DYNC1I1: variants seen among roughly 807,000 people sequenced by gnomAD.
DYNC1I1 encodes the protein cytoplasmic dynein 1 intermediate chain 1.
A neutral mutation model predicts 86.6 loss-of-function variants in DYNC1I1; 43 were observed. That is an observed-to-expected ratio of 0.50 (90% CI 0.39 to 0.64). The LOEUF (loss-of-function observed/expected upper bound fraction) is 0.64. DYNC1I1 is among the 30% of genes least tolerant of loss of function. DYNC1I1 has a pLI of 0.00. For synonymous variants in DYNC1I1, 262 were observed against 283.7 expected (o/e 0.92, Z 0.77); for missense variants, 604 against 788.8 (o/e 0.77, Z 2.81).
chr7:95,953,075 T>C (rs1294760997), intron 6 of DYNC1I1, among the ~76,000 whole-genome samples: 1 of 149,570 alleles, frequency 6.7e-6, no homozygotes, highest in African/African-American at 2.5e-5. Flanking sequence ...TGTGACTCAT[T>C]CAGCAAATGT....
intron 6 of DYNC1I1, among the ~76,000 whole-genome samples, chr7:95,878,496 C>T (rs1790366931): frequency 6.6e-6 from 1 of 151,944 alleles, no homozygotes; most frequent in Non-Finnish European, 1.5e-5. Context: ...AAAGAATTAG[C>T]AAACTTCAAG....
intron 6 of DYNC1I1, among the ~76,000 whole-genome samples, chr7:95,941,683 C>A (rs12535687): frequency 1.3e-5 from 2 of 152,102 alleles, no homozygotes; most frequent in South Asian, 4.1e-4. Context: ...GGGAGTGACC[C>A]GATTTTCCAG....
chr7:95,810,863 C>A (rs1178594824), intron 3 of DYNC1I1, among the ~76,000 whole-genome samples: 5 of 152,020 alleles, frequency 3.3e-5, no homozygotes, highest in Non-Finnish European at 7.4e-5. Flanking sequence ...TTGCTGAGTT[C>A]CAGTGTCTCT....
At chr7:95,922,150 A>C (rs1791626159) in intron 6 of DYNC1I1, among the ~76,000 whole-genome samples, 1 of 152,168 alleles carries the variant, frequency 6.6e-6, no homozygotes, top group South Asian at 2.1e-4. Context: ...TTTAATCTTC[A>C]TTCAAATCAA....
At chr7:95,785,778 T>C (rs1226518022) in intron 1 of DYNC1I1, among the ~76,000 whole-genome samples, 32 of 7,570 alleles carry the variant, frequency 4.2e-3, no homozygotes, top group African/African-American at 7.5e-3. Flanking sequence ...TGTATGTGTA[T>C]ATATATATAT....
intron 5 of DYNC1I1, among the ~76,000 whole-genome samples, chr7:95,858,493 TATC>T (rs1789784771): frequency 6.6e-6 from 1 of 152,182 alleles, no homozygotes; most frequent in Non-Finnish European, 1.5e-5. Flanking sequence ...CATAAACCAA[TATC>T]ATAGTCATTT....
chr7:95,777,580 T>G (rs956699125), intron 1 of DYNC1I1, among the ~76,000 whole-genome samples: 2 of 152,222 alleles, frequency 1.3e-5, no homozygotes, highest in Admixed American at 6.5e-5. Context: ...AATTATTATT[T>G]AAGCGCTAAC....
chr7:95,995,076 T>C (rs1988398), intron 9 of DYNC1I1, among the ~76,000 whole-genome samples: 3,417 of 151,750 alleles, frequency 0.023, 125 homozygotes, highest in African/African-American at 0.079. Flanking sequence ...TGAAACCCCG[T>C]CTCTACTAAA....
chr7:95,789,884 A>T (rs1463403060), intron 1 of DYNC1I1, among the ~76,000 whole-genome samples: 5 of 152,248 alleles, frequency 3.3e-5, no homozygotes, highest in Non-Finnish European at 1.5e-5. Context: ...GTAACAGTAA[A>T]TGTATGTATG....
At chr7:95,781,052 GTT>G (rs1395898750) in intron 1 of DYNC1I1, among the ~76,000 whole-genome samples, 8 of 151,964 alleles carry the variant, frequency 5.3e-5, no homozygotes, top group African/African-American at 1.9e-4. Context: ...GTGTGACTTT[GTT>G]CACTTTCAGA....
rs118131510 is a variant in DYNC1I1, at chr7:96,014,844, A to C, written c.970-13331A>C. Reference sequence around the variant, plus strand: ...GCCCAAACACAACTGAGTTAGATGCATATTAAATTACCTCTTACTTAAAAG... The same window carrying C: ...GCCCAAACACAACTGAGTTAGATGCCTATTAAATTACCTCTTACTTAAAAG... On this transcript the variant is annotated intron_variant, in intron 10 of 16. Coordinates refer to ENST00000447467, the MANE Select transcript of DYNC1I1 (RefSeq NM_001135556.2). 8.8e-4 allele frequency among the ~76,000 whole-genome samples: 134 copies of C among 152,340 alleles called. 5 individuals carry two copies. The East Asian group carries it at 0.024, about 27-fold the overall frequency.
intron 16 of DYNC1I1, among the ~76,000 whole-genome samples, chr7:96,090,959 G>A (rs1790823279): frequency 6.6e-6 from 1 of 152,042 alleles, no homozygotes; most frequent in Admixed American, 6.6e-5. Context: ...AATACAGTGG[G>A]GCTGTATTTA....
At chr7:96,089,406 G>A (rs546589457) in intron 16 of DYNC1I1, among the ~76,000 whole-genome samples, 1 of 152,214 alleles carries the variant, frequency 6.6e-6, no homozygotes, top group South Asian at 2.1e-4. Context: ...AAAATTTGAG[G>A]AAAAATTAAG....
intron 5 of DYNC1I1, among the ~76,000 whole-genome samples, chr7:95,863,981 G>T (rs188233957): frequency 3.3e-5 from 5 of 152,212 alleles, no homozygotes; most frequent in Non-Finnish European, 5.9e-5. Context: ...AGTGAGAGAA[G>T]AGCCACATAG....
At chr7:96,069,601 G>C (rs1420035175) in intron 14 of DYNC1I1, among the ~76,000 whole-genome samples, 1 of 152,158 alleles carries the variant, frequency 6.6e-6, no homozygotes, top group Non-Finnish European at 1.5e-5. Flanking sequence ...GGGTGGAGCT[G>C]ATATTCATGA....
intron 15 of DYNC1I1, among the ~76,000 whole-genome samples, chr7:96,076,915 G>A (rs746080856): frequency 3.9e-5 from 6 of 152,138 alleles, no homozygotes; most frequent in Non-Finnish European, 7.4e-5. Flanking sequence ...TAAAAACTAT[G>A]CCACATGCAT....
At chr7:95,957,290 C>G (rs981076460) in intron 6 of DYNC1I1, among the ~76,000 whole-genome samples, 1 of 152,192 alleles carries the variant, frequency 6.6e-6, no homozygotes, top group Non-Finnish European at 1.5e-5. Context: ...GTATCAGTGG[C>G]ATTTTTGTAA....
chr7:95,979,716 A>G (rs1046860638), intron 7 of DYNC1I1, among the ~76,000 whole-genome samples: 5 of 152,242 alleles, frequency 3.3e-5, no homozygotes, highest in Non-Finnish European at 7.3e-5. Context: ...GAGAAGTTCA[A>G]TCGTTGTCAA....
chr7:96,018,066 G>A, intron 10 of DYNC1I1, among the ~76,000 whole-genome samples: 1 of 150,996 alleles, frequency 6.6e-6, no homozygotes, highest in Non-Finnish European at 1.5e-5. Context: ...AGTGAGGTGA[G>A]CGATCTCTAC....
Sources: allele counts gnomAD v4.1 joint callset (sites outside exome capture counted in the v4.1 genomes callset), GRCh38; gene constraint gnomAD v4.1.1; transcripts MANE v1.5; gene names NCBI Gene and HGNC (gene_info 2026-07-23, HGNC 2026-07-21).